The following IQSEC1 variants were observed in gnomAD, a reference collection of about 807,000 sequenced individuals.
IQSEC1 encodes the protein IQ motif and Sec7 domain ArfGEF 1.
In IQSEC1, 31 loss-of-function variants were observed where a neutral mutation model predicts 91.0. That is an observed-to-expected ratio of 0.34 (90% CI 0.26 to 0.46). The LOEUF (loss-of-function observed/expected upper bound fraction) is 0.46, where lower values mean the gene tolerates loss of function less well. Among genes scored for constraint, IQSEC1 ranks in the 20% least tolerant of loss-of-function variants. The pLI, the probability that IQSEC1 is intolerant of heterozygous loss-of-function variation, is 1.00. For missense variants in IQSEC1, 1,388 were observed against 1,575.6 expected, an observed-to-expected ratio of 0.88 and a Z score of 2.02; for synonymous variants, 699 against 662.6, an observed-to-expected ratio of 1.05 and a Z score of -0.84.
intron 1 of IQSEC1, among the ~76,000 whole-genome samples, chr3:12,944,265 C>T (rs1004836807): frequency 9.2e-5 from 14 of 152,300 alleles, no homozygotes; most frequent in African/African-American, 3.4e-4. Flanking sequence ...TGGTAGGGGG[C>T]GAGGGGGAGA....
At chr3:13,245,588 A>G (rs6442362) in intron 1 of IQSEC1, among the ~76,000 whole-genome samples, 36,797 of 152,056 alleles carry the variant, frequency 0.24, 6,882 homozygotes, top group African/African-American at 0.52. Flanking sequence ...CCAACATGGC[A>G]AAACCCCATC....
At chr3:13,124,719 C>T (rs1314187253) in intron 2 of IQSEC1, among the ~76,000 whole-genome samples, 5 of 152,158 alleles carry the variant, frequency 3.3e-5, no homozygotes, top group African/African-American at 1.2e-4. Flanking sequence ...GGGGCCCCGC[C>T]CATCAGACCC....
intron 2 of IQSEC1, among the ~76,000 whole-genome samples, chr3:13,156,634 G>A (rs980047795): frequency 2.6e-5 from 4 of 152,268 alleles, no homozygotes; most frequent in Non-Finnish European, 5.9e-5. Flanking sequence ...ACATGGCAGA[G>A]CACTGAGGCA....
chr3:13,118,465 G>A (rs1398140328), intron 2 of IQSEC1, among the ~76,000 whole-genome samples: 2 of 152,192 alleles, frequency 1.3e-5, no homozygotes, highest in African/African-American at 2.4e-5. Flanking sequence ...ATACAACAGA[G>A]TATTATTTAG....
chr3:12,960,312 G>C (rs1017330970), intron 1 of IQSEC1: 1 of 152,154 alleles, frequency 6.6e-6, no homozygotes, highest in African/African-American at 2.4e-5. Context: ...ACATGTTTTT[G>C]AGATTGTAGG....
intron 1 of IQSEC1, among the ~76,000 whole-genome samples, chr3:13,212,279 A>G (rs1694461013): frequency 6.6e-6 from 1 of 152,196 alleles, no homozygotes; most frequent in Non-Finnish European, 1.5e-5. Flanking sequence ...GGAATTGTAT[A>G]ATATGTGGAC....
At chr3:12,963,387 T>G (rs898607500) in intron 1 of IQSEC1, among the ~76,000 whole-genome samples, 2 of 152,128 alleles carry the variant, frequency 1.3e-5, no homozygotes, top group African/African-American at 4.8e-5. Context: ...AGAAGGAAGA[T>G]TTCACAAAAA....
At chr3:12,999,638 G>A (rs13061279) in intron 1 of IQSEC1, among the ~76,000 whole-genome samples, 31,803 of 151,932 alleles carry the variant, frequency 0.21, 4,073 homozygotes, top group African/African-American at 0.36. Flanking sequence ...CTTGGCCTCC[G>A]TCCCGCCCCC....
intron 2 of IQSEC1, among the ~76,000 whole-genome samples, chr3:12,939,741 C>G (rs1698578271): frequency 1.3e-5 from 2 of 152,324 alleles, no homozygotes; most frequent in East Asian, 3.9e-4. Context: ...ACAGCCAGCT[C>G]TAATGCCTCC....
At chr3:12,971,968 C>T (rs1194876219) in intron 1 of IQSEC1, among the ~76,000 whole-genome samples, 1 of 150,948 alleles carries the variant, frequency 6.6e-6, no homozygotes, top group African/African-American at 2.4e-5. Context: ...GAGCCGAGAT[C>T]GTGCCACTGC....
chr3:12,980,375 G>A (rs1701391590), intron 1 of IQSEC1, among the ~76,000 whole-genome samples: 1 of 152,220 alleles, frequency 6.6e-6, no homozygotes, highest in African/African-American at 2.4e-5. Context: ...TCAGTCTTGA[G>A]ACCCAGACGG....
intron 2 of IQSEC1, among the ~76,000 whole-genome samples, chr3:13,090,445 T>C (rs1705840120): frequency 6.6e-6 from 1 of 152,164 alleles, no homozygotes; most frequent in African/African-American, 2.4e-5. Context: ...CAATCTGAGC[T>C]CAAGGTGCTG....
chr3:13,144,758 G>A (rs1432226146), intron 2 of IQSEC1, among the ~76,000 whole-genome samples: 2 of 152,224 alleles, frequency 1.3e-5, no homozygotes, highest in African/African-American at 2.4e-5. Context: ...CCCAGCACCT[G>A]GAGGCACGAA....
rs56977363 is a variant in IQSEC1 at position 13,211,606 on chromosome 3, C to T, written c.273-47473G>A. Among the ~76,000 whole-genome samples, 3,259 of 152,270 alleles carry T rather than the reference C, an allele frequency of 0.021. 115 individuals are homozygous for T. Among genetic ancestry groups the T allele is most frequent in the African/African-American group, 0.073 (3,028 of 41,542 alleles). Reference sequence around the variant, plus strand: ...AGGAGAGTCACCATCCTTGCCTCTCCATGGCCCCAAAAGAAAGTCTGATCC... The same window carrying T: ...AGGAGAGTCACCATCCTTGCCTCTCTATGGCCCCAAAAGAAAGTCTGATCC... On this transcript the variant is annotated intron_variant, in intron 1 of 15. Transcript: ENST00000648114. This position sits in a 1 kb window ranked among gnomAD's most constrained non-coding sequence, Gnocchi z 5.3.
intron 1 of IQSEC1, among the ~76,000 whole-genome samples, chr3:13,260,727 T>G (rs984930530): frequency 6.6e-6 from 1 of 152,070 alleles, no homozygotes; most frequent in Non-Finnish European, 1.5e-5. Context: ...GAAGCTGACC[T>G]TGGTGCCGGC....
At position 12,909,884 on chromosome 3, in the gene IQSEC1, CAG is replaced by C. The variant is rs1454410052; in HGVS notation, c.2417-452_2417-451del. ...CTGCCTGGTGCCACCTCCGGGCTCT[CAG>C]GGTCCCTGGGGCTTTGGTCTCCTGG... is the stretch of plus-strand genomic sequence containing the variant. On this transcript the variant is annotated intron_variant, in intron 10 of 13. Transcript: ENST00000613206. The surrounding 1 kb of genome is among the most constrained non-coding windows in gnomAD (Gnocchi z 4.9). Among the ~76,000 whole-genome samples, 3 of 152,220 alleles carry C rather than the reference CAG, an allele frequency of 2.0e-5. No homozygotes were observed. Among genetic ancestry groups the C allele is most frequent in the African/African-American group, 7.2e-5 (3 of 41,456 alleles).
At chr3:13,174,380 G>A (rs1220049070) in intron 1 of IQSEC1, among the ~76,000 whole-genome samples, 3 of 152,152 alleles carry the variant, frequency 2.0e-5, no homozygotes, top group Non-Finnish European at 4.4e-5. Flanking sequence ...CATCCCACTG[G>A]AGACTATACA....
At chr3:13,133,974 T>C (rs1361134790) in intron 2 of IQSEC1, among the ~76,000 whole-genome samples, 1 of 152,206 alleles carries the variant, frequency 6.6e-6, no homozygotes, top group East Asian at 1.9e-4. Context: ...TGACTCTCAA[T>C]CTGAGGAGGC....
Position 13,193,479 on chromosome 3 carries a change from G to A in IQSEC1, c.273-29346C>T, listed in dbSNP as rs1457669435. ...GGGAGCACGCTGGGGGATGAAGGAT[G>A]TGGACGGTCGGGTGGTGACTGGGAA... On this transcript the variant is annotated intron_variant, in intron 1 of 15. Transcript: ENST00000648114. This position sits in a 1 kb window ranked among gnomAD's most constrained non-coding sequence, Gnocchi z 4.2. Among the ~76,000 whole-genome samples, 2 of 152,196 alleles carry A rather than the reference G, an allele frequency of 1.3e-5. No homozygotes were observed. Among genetic ancestry groups the A allele is most frequent in the African/African-American group, 4.8e-5 (2 of 41,448 alleles).
Sources: allele counts gnomAD v4.1 joint callset (sites outside exome capture counted in the v4.1 genomes callset), GRCh38; gene constraint gnomAD v4.1.1; non-coding constraint Gnocchi (gnomAD v3.1); transcripts MANE v1.5; gene names NCBI Gene and HGNC (gene_info 2026-07-23, HGNC 2026-07-21).